Variants in KIF7 observed in about 807,000 individuals in gnomAD.
The protein encoded by KIF7 is kinesin family member 7.
A neutral mutation model predicts 135.7 loss-of-function variants in KIF7; 104 were observed. That is an observed-to-expected ratio of 0.77 (90% CI 0.65 to 0.90). The LOEUF is 0.90. Ranked by LOEUF, KIF7 falls within the 40% of genes least tolerant of loss-of-function variation. The pLI is 0.00. For missense variants in KIF7, 2,005 were observed against 1,839.1 expected, an observed-to-expected ratio of 1.09 and a Z score of -1.65; for synonymous variants, 883 against 809.4, an observed-to-expected ratio of 1.09 and a Z score of -1.54.
Position 89,654,789 on chromosome 15 carries a change from C to T in KIF7, c.-25+610G>A, listed in dbSNP as rs1964181972. Among the ~76,000 whole-genome samples, 3 of 152,264 alleles carry T rather than the reference C, an allele frequency of 2.0e-5. No homozygotes were observed. The South Asian group carries it at 6.2e-4, about 31-fold the overall frequency. ...TTCCTCACCCCCACCGCCAGCCCGG[C>T]ACTTCATTCTTTACCCTTCAACCTC... On this transcript the variant is annotated intron_variant, in intron 1 of 18. Transcript: ENST00000394412.
At chr15:89,650,592 C>G (rs571498792) in intron 2 of KIF7, among the ~76,000 whole-genome samples, 1 of 152,272 alleles carries the variant, frequency 6.6e-6, no homozygotes, top group African/African-American at 2.4e-5. Context: ...TGGTGTTTCA[C>G]CATGTTGGCC....
Position 89,648,954 on chromosome 15 carries a change from G to C in KIF7, c.923+20C>G. The stretch of plus-strand genomic sequence containing the variant: ...GCCTCCCCGGCCCCCAGGCCACATA[G>C]GAGCCAGGGGGCAGCTCACCGGGTG... On this transcript the variant is annotated intron_variant, in intron 4 of 18. Coordinates refer to ENST00000394412, the MANE Select transcript of KIF7 (RefSeq NM_198525.3). 6.6e-7 allele frequency: 1 copy of C among 1,519,728 alleles called. No individual in the cohort carries two copies. Among genetic ancestry groups the C allele is most frequent in the Non-Finnish European group, 8.8e-7 (1 of 1,131,988 alleles). The allele number at this position is 1,519,728 out of a possible 1,614,324, so 94.1% of individuals were successfully genotyped here. A position where few individuals can be genotyped will look rare whatever the true frequency, so the allele number is the denominator to read the frequency against.
chr15:89,628,429 T>A lies in KIF7; in HGVS notation c.4022A>T (p.Asn1341Ile). The A allele has an allele frequency of 1.2e-6, 2 of 1,602,022 alleles. No individual in the cohort carries two copies. Among genetic ancestry groups the A allele is most frequent in the Non-Finnish European group, 1.7e-6 (2 of 1,173,932 alleles). ...ASPGMIDVRK[N>I]PL ...GTCTGCCCCGAGGGCTTACAGGGGGTTTTTCCGGACATCAATCATCCCCGG... is the reference window on the plus strand; with the variant it reads ...GTCTGCCCCGAGGGCTTACAGGGGGATTTTCCGGACATCAATCATCCCCGG... Residue 1341 changes from asparagine to isoleucine, a missense_variant, in exon 19 of 19, where the codon AAC (asparagine) becomes ATC (isoleucine). Physicochemically the swap from Asn to Ile is moderately radical, Grantham distance 149. Coordinates refer to ENST00000394412, the MANE Select transcript of KIF7 (RefSeq NM_198525.3).
At chr15:89,634,619 T>A (rs974301309) in intron 11 of KIF7, among the ~76,000 whole-genome samples, 33 of 152,326 alleles carry the variant, frequency 2.2e-4, no homozygotes, top group African/African-American at 7.2e-4. Context: ...GCTTTTCCGA[T>A]GGGCTTAAAA....
At chr15:89,629,977 C>CA (rs1433679206) in intron 16 of KIF7, 1 of 524,748 alleles carries the variant, frequency 1.9e-6, no homozygotes, top group East Asian at 3.4e-5. Flanking sequence ...CTGTGACAAC[C>CA]AAAAGTATCT....
At chr15:89,645,681 G>A (rs993832629) in intron 8 of KIF7, among the ~76,000 whole-genome samples, 1 of 152,122 alleles carries the variant, frequency 6.6e-6, no homozygotes, top group Non-Finnish European at 1.5e-5. Context: ...AGGAGGCCTG[G>A]GCCCACCTTG....
At position 89,652,904 on chromosome 15, in the gene KIF7, T is replaced by C. The variant is rs909554986; in HGVS notation, c.27A>G (p.Pro9=). MGLEAQRL[P]GAEEAPVRVA... ...CCCGCACTGGGGCCTCCTCAGCCCC[T>C]GGCAGCCTCTGAGCCTCCAGCCCCA... is the stretch of plus-strand genomic sequence containing the variant. The change falls in exon 2 of 19, where the codon CCA becomes CCG. Residue 9 remains proline (P), a synonymous_variant. Coordinates refer to ENST00000394412, the MANE Select transcript of KIF7 (RefSeq NM_198525.3). 1.3e-6 allele frequency: 2 copies of C among 1,529,758 alleles called. No individual in the cohort carries two copies. Among genetic ancestry groups the C allele is most frequent in the Non-Finnish European group, 1.8e-6 (2 of 1,135,384 alleles). 94.8% of individuals were successfully genotyped at this position (1,529,758 alleles called of 1,614,324 possible).
At chr15:89,652,519 A>T in intron 2 of KIF7, 84 bp downstream of exon 2, 1 of 1,055,444 alleles carries the variant, frequency 9.5e-7, no homozygotes, top group Non-Finnish European at 1.4e-6. Context: ...TCCACAGAAC[A>T]GGCAGCAAGA....
intron 10 of KIF7, 32 bp from the exon 11 acceptor site, chr15:89,642,437 GC>G: frequency 6.5e-7 from 1 of 1,532,062 alleles, no homozygotes. Context: ...AGCACAGGCA[GC>G]CCTGCTCCAC....
At chr15:89,648,825 G>T in intron 4 of KIF7, 51 bp from the exon 5 acceptor site, 1 of 1,495,670 alleles carries the variant, frequency 6.7e-7, no homozygotes, top group South Asian at 1.3e-5. Context: ...CCAGGCCCAG[G>T]GCCAGCGGGC....
In KIF7 at chr15:89,642,212, G is replaced by A; in HGVS notation, c.2385C>T (p.Ser795=). ...AGGCCCCGAGACTAACCTGCACCTGGCTCTGGGCCGCAGCGACCCTCCTGC... is the reference window on the plus strand; with the variant it reads ...AGGCCCCGAGACTAACCTGCACCTGACTCTGGGCCGCAGCGACCCTCCTGC... ...EFRRRVAAAQ[S]QVQVLKEKKQ... Residue 795 remains serine (S), a synonymous_variant, in exon 11 of 19, where the codon AGC becomes AGT. Transcript: ENST00000394412. 6.2e-7 allele frequency: 1 copy of A among 1,610,102 alleles called. No homozygotes were observed. Among genetic ancestry groups the A allele is most frequent in the East Asian group, 2.2e-5 (1 of 44,854 alleles).
intron 11 of KIF7, 29 bp from the exon 12 acceptor site, chr15:89,633,912 A>C (rs1596068981): frequency 1.9e-6 from 3 of 1,612,532 alleles, no homozygotes; most frequent in Non-Finnish European, 2.5e-6. Flanking sequence ...TCACTGGGCC[A>C]TGCACGGGGC....
Position 89,633,770 on chromosome 15 carries a change from TCCCTGCTGCTGC to T in KIF7, c.2496_2507del (p.Gln834_Gln837del). ...CCTCGCGAAGCCGCCTCTGCAGCTG[TCCCTGCTGCTGC>T]CGCATGAGCTGCACGTTCCGCTCGA... On this transcript the variant is annotated inframe_deletion, in exon 12 of 19. Transcript: ENST00000394412. 6.2e-7 allele frequency: 1 copy of T among 1,611,252 alleles called. No homozygotes were observed. The highest frequency in any genetic ancestry group is 1.1e-5 in the South Asian group (1 of 91,078).
chr15:89,656,646 C>T (rs77151811), upstream of KIF7, among the ~76,000 whole-genome samples: 189 of 152,316 alleles, frequency 1.2e-3, 1 homozygote, highest in African/African-American at 4.2e-3. Flanking sequence ...GGCTGGCCAA[C>T]TGATTCGTGT....
In KIF7 at chr15:89,648,588, G is replaced by C. The variant is rs1964062909; in HGVS notation, c.1110C>G (p.Ser370Arg). 6.6e-7 allele frequency: 1 copy of C among 1,521,858 alleles called. No individual in the cohort carries two copies. Among genetic ancestry groups the C allele is most frequent in the Non-Finnish European group, 8.8e-7 (1 of 1,138,374 alleles). The allele number at this position is 1,521,858 out of a possible 1,614,324, so 94.3% of individuals were successfully genotyped here. A position where few individuals can be genotyped will look rare whatever the true frequency, so the allele number is the denominator to read the frequency against. Residue 370 changes from serine (S) to arginine (R), a missense_variant, in exon 5 of 19, where the codon AGC (serine) becomes AGG (arginine). By Grantham distance (110) the Ser-to-Arg change is moderately radical. Transcript: ENST00000394412. ...EAERPPEETA[S>R]GARGPPRHRS... ...GGTGCCGTGGCGGACCCCGCGCGCC[G>C]CTCGCCGTCTCTTCGGGTGGCCGCT...
At chr15:89,630,824 A>G (rs936738186) in intron 15 of KIF7, 11 of 444,238 alleles carry the variant, frequency 2.5e-5, no homozygotes, top group African/African-American at 2.2e-4. Flanking sequence ...GTAAGCTTCT[A>G]CAGATGGGGA....
downstream of KIF7, chr15:89,626,148 G>T: frequency 6.6e-7 from 1 of 1,518,268 alleles, no homozygotes; most frequent in Non-Finnish European, 8.9e-7. Context: ...TTCTAGAGGA[G>T]CCCCAGGGAG....
chr15:89,619,945 G>T (rs1567051302), intron 1 of KIF7: 1 of 1,409,612 alleles, frequency 7.1e-7, no homozygotes, highest in East Asian at 2.3e-5. Context: ...CTTGACATTG[G>T]AGAAGTAGAA....
At position 89,633,878 on chromosome 15, in the gene KIF7, C is replaced by G; in HGVS notation, c.2400G>C (p.Leu800=). 6.2e-7 allele frequency: 1 copy of G among 1,613,772 alleles called. No homozygotes were observed. Among genetic ancestry groups the G allele is most frequent in the Non-Finnish European group, 8.5e-7 (1 of 1,180,034 alleles). Residue 800 remains leucine, a synonymous_variant, in exon 12 of 19, where the codon CTG becomes CTC. Coordinates refer to ENST00000394412, the MANE Select transcript of KIF7 (RefSeq NM_198525.3). ...GCTCCGTAGCCTGCTTCTTCTCCTT[C>G]AGCACCTGGGACCCACACAGTCTTC... ...VAAAQSQVQV[L]KEKKQATERL... is the part of the protein sequence containing the mutation.
Sources: gnomAD v4.1 joint callset for allele counts (sites outside exome capture counted in the v4.1 genomes callset) on GRCh38, gnomAD v4.1.1 for gene constraint, MANE v1.5 for transcripts, NCBI Gene and HGNC (gene_info 2026-07-23, HGNC 2026-07-21) for gene names.